Variants in GPATCH2 observed in about 807,000 individuals in gnomAD.
GPATCH2 encodes G-patch domain containing 2, also known as G patch domain-containing protein 2.
A neutral mutation model predicts 58.0 loss-of-function variants in GPATCH2; 51 were observed. The observed-to-expected ratio is 0.88, with a 90% confidence interval of 0.70 to 1.11. The LOEUF (loss-of-function observed/expected upper bound fraction) is 1.11. Among genes scored for constraint, GPATCH2 ranks in the 50% most tolerant of loss-of-function variants. The pLI is 0.00. For missense variants in GPATCH2, 625 were observed against 652.2 expected (o/e 0.96, Z 0.45); for synonymous variants, 222 against 218.5 (o/e 1.02, Z -0.14).
At chr1:217,462,295 GT>G (rs1406833661) in intron 8 of GPATCH2, among the ~76,000 whole-genome samples, 1 of 152,090 alleles carries the variant, frequency 6.6e-6, no homozygotes, top group Non-Finnish European at 1.5e-5. Flanking sequence ...AAGTCCCTAT[GT>G]TTTATAAACT....
At chr1:217,603,770 A>AT in intron 5 of GPATCH2, among the ~76,000 whole-genome samples, 1 of 151,826 alleles carries the variant, frequency 6.6e-6, no homozygotes, top group East Asian at 1.9e-4. Context: ...TTACAGGCAC[A>AT]TATCACCATG....
chr1:217,610,274 T>G, intron 5 of GPATCH2, 47 bp downstream of exon 5: 2 of 1,487,718 alleles, frequency 1.3e-6, no homozygotes, highest in Non-Finnish European at 1.9e-6. Flanking sequence ...TCCATAGAAA[T>G]GGAAACATTT....
At chr1:217,583,904 C>G (rs1667196986) in intron 5 of GPATCH2, among the ~76,000 whole-genome samples, 1 of 151,782 alleles carries the variant, frequency 6.6e-6, no homozygotes, top group African/African-American at 2.4e-5. Context: ...AATTATTTAA[C>G]CCAGAATTAC....
intron 5 of GPATCH2, among the ~76,000 whole-genome samples, chr1:217,516,817 G>C (rs955464932): frequency 9.2e-5 from 14 of 152,208 alleles, no homozygotes; most frequent in Admixed American, 2.6e-4. Context: ...AATAAACAAC[G>C]TGTTGACAGA....
Position 217,429,180 on chromosome 1 carries a change from A to C in GPATCH2, c.*1965T>G, listed in dbSNP as rs1658423519. On this transcript the variant is annotated 3_prime_UTR_variant, in exon 10 of 10. Coordinates refer to ENST00000366935, the MANE Select transcript of GPATCH2 (RefSeq NM_018040.5). ...AAAGAAGTTTTAAAACTTGTATATA[A>C]TCTCCCCCCGGCTACATAGACAGAA... The C allele has an allele frequency of 6.6e-6, 1 of 152,118 alleles. No individual in the cohort carries two copies. The highest frequency in any genetic ancestry group is 2.4e-5 in the African/African-American group (1 of 41,418). 9.4% of individuals were successfully genotyped at this position (152,118 alleles called of 1,614,324 possible).
intron 8 of GPATCH2, among the ~76,000 whole-genome samples, chr1:217,485,859 G>A (rs1406103669): frequency 1.3e-5 from 2 of 152,198 alleles, no homozygotes; most frequent in African/African-American, 2.4e-5. Context: ...TGGGACCACT[G>A]TCATATATGT....
Position 217,559,201 on chromosome 1 carries a change from T to C in GPATCH2, c.1099-44312A>G, listed in dbSNP as rs139419227. ...AGGCATGAAGAGGTTAGATGGCATG[T>C]GTAGAGCTTTACGTACTAGATCTAG... On this transcript the variant is annotated intron_variant, in intron 5 of 9. Coordinates refer to ENST00000366935, the MANE Select transcript of GPATCH2 (RefSeq NM_018040.5). Among the ~76,000 whole-genome samples the C allele has an allele frequency of 1.0e-3, 156 of 152,238 alleles. 1 individual carries two copies. Among genetic ancestry groups the C allele is most frequent in the African/African-American group, 3.7e-3 (152 of 41,534 alleles).
chr1:217,433,553 C>A (rs1026744589), intron 9 of GPATCH2, among the ~76,000 whole-genome samples: 1 of 151,806 alleles, frequency 6.6e-6, no homozygotes, highest in African/African-American at 2.4e-5. Context: ...TGTGCCTTCA[C>A]CCAACTAATT....
chr1:217,614,126 A>C lies in GPATCH2; in HGVS notation c.835+15T>G, dbSNP rs1668768886. The C allele has an allele frequency of 6.8e-7, 1 of 1,467,712 alleles. No homozygotes were observed. Among genetic ancestry groups the C allele is most frequent in the East Asian group, 2.3e-5 (1 of 44,136 alleles). The allele number at this position is 1,467,712 out of a possible 1,614,324, so 90.9% of individuals were successfully genotyped here. A position where few individuals can be genotyped will look rare whatever the true frequency, so the allele number is the denominator to read the frequency against. On this transcript the variant is annotated intron_variant, in intron 3 of 9. Coordinates refer to ENST00000366935, the MANE Select transcript of GPATCH2 (RefSeq NM_018040.5). ...GAAGTTTTTCCAAAGAGAGAAAAAA[A>C]TATCATTTCAGTACCTTGTCTTCCC...
intron 5 of GPATCH2, among the ~76,000 whole-genome samples, chr1:217,523,400 G>C (rs555681025): frequency 4.0e-5 from 6 of 151,598 alleles, no homozygotes; most frequent in Admixed American, 6.6e-5. Context: ...GCCTTCAAGC[G>C]TCTGTTTAAC....
intron 3 of GPATCH2, among the ~76,000 whole-genome samples, chr1:217,611,336 T>C (rs879141616): frequency 1.3e-5 from 2 of 152,160 alleles, no homozygotes; most frequent in Non-Finnish European, 2.9e-5. Context: ...TATGTTTTAT[T>C]TGACAACTGC....
intron 8 of GPATCH2, among the ~76,000 whole-genome samples, chr1:217,475,479 CAA>C (rs1265864959): frequency 1.3e-5 from 2 of 151,954 alleles, no homozygotes; most frequent in South Asian, 2.1e-4. Flanking sequence ...ATTAAAGAAA[CAA>C]GAGGAGATCT....
chr1:217,429,825 C>T lies in GPATCH2; in HGVS notation c.*1320G>A, dbSNP rs1284350087. 1 of 87,978 alleles carries T rather than the reference C, an allele frequency of 1.1e-5. No individual in the cohort carries two copies. Among genetic ancestry groups the T allele is most frequent in the Non-Finnish European group, 2.2e-5 (1 of 44,756 alleles). The allele number at this position is 87,978 out of a possible 1,614,324, so 5.4% of individuals were successfully genotyped here. A position where few individuals can be genotyped will look rare whatever the true frequency, so the allele number is the denominator to read the frequency against. Reference sequence around the variant, plus strand: ...CCTGGGCGACAGAGGCAGACTCTGTCAAAAAAAAAAAAAAAAAAAAAGAAA... The same window carrying T: ...CCTGGGCGACAGAGGCAGACTCTGTTAAAAAAAAAAAAAAAAAAAAAGAAA... On this transcript the variant is annotated 3_prime_UTR_variant, in exon 10 of 10. Coordinates refer to ENST00000366935, the MANE Select transcript of GPATCH2 (RefSeq NM_018040.5).
At chr1:217,614,757 T>C (rs1160128227) in intron 2 of GPATCH2, among the ~76,000 whole-genome samples, 1 of 150,710 alleles carries the variant, frequency 6.6e-6, no homozygotes, top group Non-Finnish European at 1.5e-5. Context: ...TATATCGAAG[T>C]TAAGGTCACT....
intron 8 of GPATCH2, among the ~76,000 whole-genome samples, chr1:217,474,077 G>A (rs1344848038): frequency 6.6e-6 from 1 of 152,118 alleles, no homozygotes; most frequent in Non-Finnish European, 1.5e-5. Context: ...TTTATTAGTA[G>A]AGAATATTAA....
intron 5 of GPATCH2, among the ~76,000 whole-genome samples, chr1:217,580,483 T>C (rs1019201132): frequency 1.3e-5 from 2 of 152,342 alleles, no homozygotes; most frequent in East Asian, 1.9e-4. Context: ...TTATATTTAC[T>C]AAAGTATATA....
At chr1:217,481,427 G>A (rs1661207490) in intron 8 of GPATCH2, among the ~76,000 whole-genome samples, 1 of 152,214 alleles carries the variant, frequency 6.6e-6, no homozygotes, top group African/African-American at 2.4e-5. Context: ...ACAGTTGAGA[G>A]TAGTTTCCTT....
intron 6 of GPATCH2, 65 bp from the exon 7 acceptor site, chr1:217,498,460 G>T: frequency 1.7e-6 from 2 of 1,176,350 alleles, no homozygotes; most frequent in East Asian, 2.3e-5. Context: ...TCACATGATC[G>T]AGCCGCATGT....
chr1:217,588,557 C>G (rs1021968725), intron 5 of GPATCH2, among the ~76,000 whole-genome samples: 1 of 152,004 alleles, frequency 6.6e-6, no homozygotes, highest in Non-Finnish European at 1.5e-5. Flanking sequence ...ATATGACATT[C>G]TCAGAAAAAT....
Sources: gnomAD v4.1 joint callset for allele counts (sites outside exome capture counted in the v4.1 genomes callset) on GRCh38, gnomAD v4.1.1 for gene constraint, MANE v1.5 for transcripts, NCBI Gene and HGNC (gene_info 2026-07-23, HGNC 2026-07-21) for gene names.